ANKRD6: variants seen among roughly 807,000 people sequenced by gnomAD.
ANKRD6 encodes the protein ankyrin repeat domain 6, also known as ankyrin repeat domain-containing protein 6.
ANKRD6 carries 56 observed loss-of-function variants against 82.3 expected under a neutral mutation model. That is an observed-to-expected ratio of 0.68 (90% CI 0.55 to 0.85). The LOEUF is 0.85. ANKRD6 is among the 40% of genes least tolerant of loss of function. The probability of loss-of-function intolerance (pLI) is 0.00; values close to 1 mark genes in which losing one functional copy is unlikely to be tolerated. For missense variants in ANKRD6, 852 were observed against 907.6 expected, an observed-to-expected ratio of 0.94 and a Z score of 0.79; for synonymous variants, 347 against 352.1, an observed-to-expected ratio of 0.99 and a Z score of 0.16.
chr6:89,453,780 TTTTTA>T (rs140606922), intron 1 of ANKRD6, among the ~76,000 whole-genome samples: 22,213 of 149,596 alleles, frequency 0.15, 1,918 homozygotes, highest in South Asian at 0.33. Flanking sequence ...TTATTTAATA[TTTTTA>T]TTTTATTTTA....
In ANKRD6 at chr6:89,630,732, G is replaced by A. The variant is rs764890635; in HGVS notation, c.1912G>A (p.Ala638Thr). 2 of 1,613,826 alleles carry A rather than the reference G, an allele frequency of 1.2e-6. No homozygotes were observed. Among genetic ancestry groups the A allele is most frequent in the Non-Finnish European group, 1.7e-6 (2 of 1,179,872 alleles). Residue 638 changes from alanine (A) to threonine (T), a missense_variant, in exon 16 of 16, where the codon GCC becomes ACC. Ala to Thr is a moderately conservative substitution (Grantham distance 58, BLOSUM62 0). Transcript: ENST00000339746. ...AAGGCATCGTGCCCAGCAACCCGCA[G>A]CCAGCAGCACCTGTGGGCAGCCGCC... The part of the protein sequence containing the change: ...PTRHRAQQPA[A>T]SSTCGQPPPA...
chr6:89,524,766 A>T (rs1241513628), intron 1 of ANKRD6, among the ~76,000 whole-genome samples: 1 of 152,172 alleles, frequency 6.6e-6, no homozygotes, highest in East Asian at 1.9e-4. Flanking sequence ...TGCTGGATCA[A>T]ATAGTAGTTC....
intron 1 of ANKRD6, among the ~76,000 whole-genome samples, chr6:89,452,135 G>A (rs1004782169): frequency 6.6e-6 from 1 of 152,148 alleles, no homozygotes; most frequent in Non-Finnish European, 1.5e-5. Flanking sequence ...AGCTATGATT[G>A]CATCACTGCA....
chr6:89,584,676 A>G (rs1793316601), intron 2 of ANKRD6, among the ~76,000 whole-genome samples: 1 of 152,228 alleles, frequency 6.6e-6, no homozygotes, highest in African/African-American at 2.4e-5. Context: ...ATGAAGTGAA[A>G]TTTATTCCAA....
intron 1 of ANKRD6, among the ~76,000 whole-genome samples, chr6:89,440,503 T>C (rs1213885872): frequency 6.6e-6 from 1 of 152,202 alleles, no homozygotes; most frequent in Non-Finnish European, 1.5e-5. Flanking sequence ...ATGTCCTGCT[T>C]TTAGCAAATA....
intron 3 of ANKRD6, among the ~76,000 whole-genome samples, chr6:89,599,842 C>T (rs1796700288): frequency 6.6e-6 from 1 of 152,112 alleles, no homozygotes; most frequent in Admixed American, 6.5e-5. Flanking sequence ...CTAGTGTCAG[C>T]ACAGCTAGCA....
intron 3 of ANKRD6, chr6:89,598,266 C>T (rs9359856): frequency 0.76 from 750,431 of 985,034 alleles, 291,341 homozygotes; most frequent in Non-Finnish European, 0.8. Context: ...CTCATTGGAG[C>T]GCTAATGCCA....
chr6:89,616,690 G>T (rs1306276878), intron 8 of ANKRD6, 33 bp downstream of exon 8: 2 of 1,602,670 alleles, frequency 1.2e-6, no homozygotes, highest in Non-Finnish European at 1.7e-6. Flanking sequence ...TTTCTAAAGT[G>T]GTTCCCACCC....
At chr6:89,557,876 C>T (rs1786839486) in intron 1 of ANKRD6, among the ~76,000 whole-genome samples, 2 of 151,576 alleles carry the variant, frequency 1.3e-5, no homozygotes, top group South Asian at 4.2e-4. Flanking sequence ...AAATCTAATG[C>T]CTGATGATCT....
chr6:89,459,411 A>G (rs1256952126), intron 1 of ANKRD6, among the ~76,000 whole-genome samples: 1 of 152,100 alleles, frequency 6.6e-6, no homozygotes, highest in Non-Finnish European at 1.5e-5. Flanking sequence ...CTCAGTGTCC[A>G]TAAAACCAGC....
chr6:89,448,192 T>C (rs1013588684), intron 1 of ANKRD6, among the ~76,000 whole-genome samples: 4 of 152,080 alleles, frequency 2.6e-5, no homozygotes, highest in Admixed American at 2.0e-4. Context: ...CCCAGCATTT[T>C]AGGAGACCAA....
chr6:89,461,349 A>G (rs1774110945), intron 1 of ANKRD6, among the ~76,000 whole-genome samples: 1 of 152,222 alleles, frequency 6.6e-6, no homozygotes, highest in East Asian at 1.9e-4. Flanking sequence ...AAAGGCACAT[A>G]TGATATAAGA....
At chr6:89,567,584 C>T (rs556028901) in intron 2 of ANKRD6, among the ~76,000 whole-genome samples, 110 of 152,250 alleles carry the variant, frequency 7.2e-4, no homozygotes, top group Non-Finnish European at 1.2e-3. Flanking sequence ...CTTTGGAGGG[C>T]ATTGCTTACC....
At chr6:89,515,017 G>T (rs1313712289) in intron 1 of ANKRD6, among the ~76,000 whole-genome samples, 1 of 152,148 alleles carries the variant, frequency 6.6e-6, no homozygotes, top group Non-Finnish European at 1.5e-5. Context: ...TCAAACTCTG[G>T]AGCATTTTCC....
chr6:89,609,999 A>G (rs1799809336), intron 5 of ANKRD6, among the ~76,000 whole-genome samples: 1 of 152,210 alleles, frequency 6.6e-6, no homozygotes, highest in African/African-American at 2.4e-5. Context: ...TGTACCAGCC[A>G]TAGCCCGTAG....
intron 1 of ANKRD6, among the ~76,000 whole-genome samples, chr6:89,442,401 A>G (rs558632878): frequency 6.6e-6 from 1 of 151,816 alleles, no homozygotes; most frequent in Admixed American, 6.6e-5. Context: ...AGGTGGTCAG[A>G]TTGCTTGAGC....
intron 1 of ANKRD6, among the ~76,000 whole-genome samples, chr6:89,440,006 A>G (rs1771166698): frequency 6.6e-6 from 1 of 152,156 alleles, no homozygotes; most frequent in East Asian, 1.9e-4. Flanking sequence ...CTTAAATCCT[A>G]ATTTTAAAAT....
At chr6:89,608,368 C>CACACACTATATATATATATATATATA in intron 5 of ANKRD6, among the ~76,000 whole-genome samples, 2 of 130,750 alleles carry the variant, frequency 1.5e-5, no homozygotes, top group African/African-American at 6.1e-5. Flanking sequence ...CACACACACA[C>CACACACTATATATATATATATATATA]TATATATATA....
At chr6:89,599,007 G>A (rs1276533015) in intron 3 of ANKRD6, among the ~76,000 whole-genome samples, 1 of 152,048 alleles carries the variant, frequency 6.6e-6, no homozygotes, top group African/African-American at 2.4e-5. Flanking sequence ...GCTGTCCTAG[G>A]CTTATCAATA....
Sources: gnomAD v4.1 joint callset for allele counts (sites outside exome capture counted in the v4.1 genomes callset) on GRCh38, gnomAD v4.1.1 for gene constraint, MANE v1.5 for transcripts, NCBI Gene and HGNC (gene_info 2026-07-23, HGNC 2026-07-21) for gene names.